The following TRIM64 variants were observed in gnomAD, a reference collection of about 807,000 sequenced individuals.
The protein encoded by TRIM64 is tripartite motif containing 64.
In TRIM64, 3 loss-of-function variants were observed where a neutral mutation model predicts 10.6. That is an observed-to-expected ratio of 0.28 (90% CI 0.13 to 0.73). The LOEUF is 0.73. Among genes scored for constraint, TRIM64 ranks in the 30% least tolerant of loss-of-function variants. The pLI is 0.71. For synonymous variants in TRIM64, 8 were observed against 56.0 expected (o/e 0.14, Z 3.83); for missense variants, 29 against 152.0 (o/e 0.19, Z 4.25).
chr11:89,971,580 TAAAA>T (rs746672204), intron 4 of TRIM64, among the ~76,000 whole-genome samples: 3 of 39,828 alleles, frequency 7.5e-5, no homozygotes, highest in Non-Finnish European at 1.6e-4. Context: ...GGTGGGAGGT[TAAAA>T]AAAAAAAAAA....
Position 89,971,748 on chromosome 11 carries a change from G to T in TRIM64, c.759-449G>T, listed in dbSNP as rs570950578. On this transcript the variant is annotated intron_variant, in intron 4 of 5. Transcript: ENST00000533122. Reference sequence around the variant, plus strand: ...TTGCCTCGGGCCCCTCAGCAGCAAGGTTCTCAGGCTGGAATTAGACTCCTT... The same window carrying T: ...TTGCCTCGGGCCCCTCAGCAGCAAGTTTCTCAGGCTGGAATTAGACTCCTT... Among the ~76,000 whole-genome samples the T allele has an allele frequency of 1.5e-4, 8 of 52,858 alleles. 4 individuals carry two copies. In the South Asian group the frequency reaches 3.5e-3, roughly 23 times the overall value. 34.7% of individuals were successfully genotyped at this position (52,858 alleles called of 152,430 possible).
chr11:89,967,325 TG>T, upstream of TRIM64, among the ~76,000 whole-genome samples: 1 of 13,202 alleles, frequency 7.6e-5, no homozygotes, highest in East Asian at 1.1e-3. Flanking sequence ...TTTTAGGAGT[TG>T]ACAGTCCACT....
At chr11:89,968,557 C>T (rs1242622413) in exon 1 of TRIM64, 1 of 400,088 alleles carries the variant, frequency 2.5e-6, no homozygotes, top group African/African-American at 2.1e-4. Flanking sequence ...GCTGCATTTG[C>T]GTGAACTACT....
chr11:89,967,564 G>A (rs1367020042), upstream of TRIM64, among the ~76,000 whole-genome samples: 13 of 33,932 alleles, frequency 3.8e-4, no homozygotes, highest in African/African-American at 1.1e-3. Flanking sequence ...AATCATCCCA[G>A]CTTTTACCCT....
rs1811382212 is a variant in TRIM64, at chr11:89,973,051, C to T, written c.857-345C>T. Among the ~76,000 whole-genome samples, 2 of 27,024 alleles carry T rather than the reference C, an allele frequency of 7.4e-5. 1 individual carries two copies. The highest frequency in any genetic ancestry group is 2.9e-3 in the South Asian group (2 of 698). 17.7% of individuals were successfully genotyped at this position (27,024 alleles called of 152,430 possible). ...TCACATCACAGCAAATTGATGTCTA[C>T]CTGTTGATGATCTTAAAAACAAATA... is the stretch of plus-strand genomic sequence containing the variant. On this transcript the variant is annotated intron_variant, in intron 5 of 5. Transcript: ENST00000533122.
exon 2 of TRIM64, chr11:89,969,507 A>T: frequency 2.5e-6 from 1 of 396,772 alleles, no homozygotes; most frequent in Non-Finnish European, 3.3e-6. Context: ...GACAAGAAAC[A>T]ATCTAAATCA....
chr11:89,966,898 C>CAAAA (rs778298970), upstream of TRIM64, among the ~76,000 whole-genome samples: 14 of 12,216 alleles, frequency 1.1e-3, no homozygotes, highest in Non-Finnish European at 1.6e-3. Context: ...ACAACAGCAA[C>CAAAA]AAAAAAAAAA....
upstream of TRIM64, among the ~76,000 whole-genome samples, chr11:89,967,624 G>A (rs1950428248): frequency 2.8e-5 from 1 of 35,222 alleles, no homozygotes; most frequent in Non-Finnish European, 5.2e-5. Context: ...CTGAGAGCAC[G>A]GCTTGTTTAA....
chr11:89,966,829 G>A (rs1790550367), upstream of TRIM64, among the ~76,000 whole-genome samples: 1 of 34,660 alleles, frequency 2.9e-5, no homozygotes, highest in South Asian at 8.6e-4. Flanking sequence ...GGAGCTTGCA[G>A]TAAGCCGAGA....
At chr11:89,966,789 C>A (rs1269251430), upstream of TRIM64, among the ~76,000 whole-genome samples, 18 of 35,204 alleles carry the variant, frequency 5.1e-4, no homozygotes, top group Non-Finnish European at 3.7e-4. Flanking sequence ...CAGGAGGCTG[C>A]GGCAGGAGAA....
rs1169445622 is a variant in TRIM64, at chr11:89,969,565, C to A, written c.504+20C>A. 6.6e-6 allele frequency: 2 copies of A among 302,908 alleles called. 1 individual carries two copies. Among genetic ancestry groups the A allele is most frequent in the Non-Finnish European group, 8.9e-6 (2 of 223,682 alleles). 18.8% of individuals were successfully genotyped at this position (302,908 alleles called of 1,614,324 possible). A position where few individuals can be genotyped will look rare whatever the true frequency, so the allele number is the denominator to read the frequency against. ...TTAAAGGTAAGAATGAAAATGTTTT[C>A]TTTGTTTTTATGCAAATAAACACAA... On this transcript the variant is annotated intron_variant, in intron 2 of 5. Coordinates refer to ENST00000533122, the Ensembl canonical transcript of TRIM64.
rs1277564853 is a variant in TRIM64 at position 89,969,464 on chromosome 11, G to T, written c.423G>T (p.Lys141Asn). Residue 141 changes from lysine (K) to asparagine (N), a missense_variant, in exon 2 of 6, where the codon AAG becomes AAT. Transcript: ENST00000533122. ...TTCTTTTGCAGGAGAAACTTATAAA[G>T]GAAATGGACTATTTATGGGAAATCA... The T allele has an allele frequency of 8.9e-6, 3 of 338,202 alleles. 1 individual carries two copies. Among genetic ancestry groups the T allele is most frequent in the Non-Finnish European group, 1.2e-5 (3 of 252,726 alleles). 21.0% of individuals were successfully genotyped at this position (338,202 alleles called of 1,614,324 possible). A position where few individuals can be genotyped will look rare whatever the true frequency, so the allele number is the denominator to read the frequency against.
upstream of TRIM64, among the ~76,000 whole-genome samples, chr11:89,967,972 G>A (rs1950429465): frequency 5.6e-5 from 2 of 35,512 alleles, no homozygotes; most frequent in Non-Finnish European, 1.0e-4. Flanking sequence ...TAGTAGAAAC[G>A]GGGTTTCACG....
At chr11:89,967,004 G>A (rs1341333840), upstream of TRIM64, among the ~76,000 whole-genome samples, 70 of 33,644 alleles carry the variant, frequency 2.1e-3, no homozygotes, top group Admixed American at 2.8e-3. Context: ...AAGTCACTAA[G>A]CGAAAGGTGA....
At chr11:89,967,868 G>A (rs1319658336), upstream of TRIM64, among the ~76,000 whole-genome samples, 3 of 35,310 alleles carry the variant, frequency 8.5e-5, no homozygotes. Flanking sequence ...TGCAACCTCC[G>A]CCTCCTGGGT....
At chr11:89,967,090 C>CT (rs1175747148), upstream of TRIM64, among the ~76,000 whole-genome samples, 2 of 27,292 alleles carry the variant, frequency 7.3e-5, no homozygotes, top group African/African-American at 3.7e-4. Flanking sequence ...CATATCTTCA[C>CT]TTTTTTTTTG....
In TRIM64 at chr11:89,971,221, A is replaced by AT; in HGVS notation, c.736-5dup. ...TCTCTCATAATTAACATTATCTTTC[A>AT]TTTTTTTGCAGGATGTGAGAAATGT... On this transcript the variant is annotated splice_polypyrimidine_tract_variant and intron_variant, in intron 3 of 5. Transcript: ENST00000533122. 4.2e-6 allele frequency: 1 copy of AT among 237,572 alleles called. No homozygotes were observed. Among genetic ancestry groups the AT allele is most frequent in the South Asian group, 7.2e-5 (1 of 13,944 alleles). 14.7% of individuals were successfully genotyped at this position (237,572 alleles called of 1,614,324 possible). A position where few individuals can be genotyped will look rare whatever the true frequency, so the allele number is the denominator to read the frequency against.
chr11:89,967,804 C>T (rs1319968457), upstream of TRIM64, among the ~76,000 whole-genome samples: 1 of 35,266 alleles, frequency 2.8e-5, no homozygotes, highest in Non-Finnish European at 5.2e-5. Flanking sequence ...TTTCTTGAGA[C>T]AGAGTCTCAC....
chr11:89,972,047 G>A lies in TRIM64; in HGVS notation c.759-150G>A. On this transcript the variant is annotated intron_variant, in intron 4 of 5. Transcript: ENST00000533122. ...GTTTAGAAAAAGTAACATCCTTATT[G>A]CCCCTAGAGTGTGGAATAAAATGTA... 2 of 172,786 alleles carry A rather than the reference G, an allele frequency of 1.2e-5. 1 individual carries two copies. The highest frequency in any genetic ancestry group is 2.1e-4 in the East Asian group (2 of 9,354). 10.7% of individuals were successfully genotyped at this position (172,786 alleles called of 1,614,324 possible). A position where few individuals can be genotyped will look rare whatever the true frequency, so the allele number is the denominator to read the frequency against.
Sources: allele counts gnomAD v4.1 joint callset (sites outside exome capture counted in the v4.1 genomes callset), GRCh38; gene constraint gnomAD v4.1.1; transcripts MANE v1.5; gene names NCBI Gene and HGNC (gene_info 2026-07-23, HGNC 2026-07-21).